ZFPM2: variants seen among roughly 807,000 people sequenced by gnomAD.
ZFPM2 encodes the protein zinc finger protein, FOG family member 2, also known as zinc finger protein ZFPM2.
In ZFPM2, 20 loss-of-function variants were observed where a neutral mutation model predicts 98.6. The observed-to-expected ratio is 0.20, with a 90% CI of 0.14 to 0.29. The LOEUF is 0.29. ZFPM2 is among the 10% of genes least tolerant of loss of function. The pLI is 1.00. For synonymous variants in ZFPM2, 518 were observed against 502.7 expected (o/e 1.03, Z -0.41); for missense variants, 1,310 against 1,388.6 (o/e 0.94, Z 0.90).
At chr8:105,375,492 AAGG>A (rs1810707004) in intron 1 of ZFPM2, among the ~76,000 whole-genome samples, 1 of 152,128 alleles carries the variant, frequency 6.6e-6, no homozygotes, top group Admixed American at 6.6e-5. Flanking sequence ...AGTAGCAAAG[AAGG>A]AAGAGAGAAT....
intron 4 of ZFPM2, among the ~76,000 whole-genome samples, chr8:105,618,024 A>G (rs1816457372): frequency 6.6e-6 from 1 of 152,170 alleles, no homozygotes; most frequent in African/African-American, 2.4e-5. Context: ...TGCAAATGTG[A>G]GAAATAATTC....
chr8:105,391,384 G>T (rs1811105148), intron 1 of ZFPM2, among the ~76,000 whole-genome samples: 1 of 152,166 alleles, frequency 6.6e-6, no homozygotes, highest in Non-Finnish European at 1.5e-5. Flanking sequence ...AGTGATCAGG[G>T]TGGTGGCTGC....
chr8:105,419,530 T>G (rs1011658527), intron 2 of ZFPM2, among the ~76,000 whole-genome samples: 1 of 152,192 alleles, frequency 6.6e-6, no homozygotes, highest in African/African-American at 2.4e-5. Flanking sequence ...GATTGGCCAA[T>G]TAACTATGCA....
At chr8:105,788,277 AAAG>A (rs1275218331) in intron 5 of ZFPM2, among the ~76,000 whole-genome samples, 3 of 152,122 alleles carry the variant, frequency 2.0e-5, no homozygotes, top group African/African-American at 7.2e-5. Context: ...CATGGGGGGA[AAAG>A]AAGGAGAGAG....
intron 5 of ZFPM2, among the ~76,000 whole-genome samples, chr8:105,685,527 T>A (rs1810712399): frequency 6.6e-6 from 1 of 152,096 alleles, no homozygotes; most frequent in Non-Finnish European, 1.5e-5. Context: ...GCTTTTTTTT[T>A]AAACACAAGT....
chr8:105,580,045 A>G (rs922576575), intron 4 of ZFPM2, among the ~76,000 whole-genome samples: 18 of 152,174 alleles, frequency 1.2e-4, no homozygotes, highest in African/African-American at 3.4e-4. Context: ...CTCTAGACCC[A>G]GAAGGGCTTC....
chr8:105,742,446 G>C (rs1812240882), intron 5 of ZFPM2, among the ~76,000 whole-genome samples: 1 of 151,428 alleles, frequency 6.6e-6, no homozygotes, highest in Non-Finnish European at 1.5e-5. Context: ...AACAATAGGA[G>C]GTATAGTTTG....
chr8:105,372,004 A>AATAATT (rs1265645481), intron 1 of ZFPM2, among the ~76,000 whole-genome samples: 6 of 145,728 alleles, frequency 4.1e-5, no homozygotes, highest in Non-Finnish European at 7.5e-5. Flanking sequence ...AAAATAGTGA[A>AATAATT]ATTATTATTA....
chr8:105,662,120 G>A (rs1014318655), intron 5 of ZFPM2, among the ~76,000 whole-genome samples: 1 of 152,076 alleles, frequency 6.6e-6, no homozygotes, highest in African/African-American at 2.4e-5. Flanking sequence ...GAAACAACAC[G>A]CGTGATGGAG....
At chr8:105,565,459 A>C (rs186367370) in intron 4 of ZFPM2, among the ~76,000 whole-genome samples, 1 of 152,256 alleles carries the variant, frequency 6.6e-6, no homozygotes, top group Admixed American at 6.6e-5. Flanking sequence ...GTTTTATATC[A>C]TATTTACTTC....
At chr8:105,756,527 A>C (rs148139302) in intron 5 of ZFPM2, among the ~76,000 whole-genome samples, 51 of 152,280 alleles carry the variant, frequency 3.3e-4, no homozygotes, top group African/African-American at 1.2e-3. Flanking sequence ...AGTAGGAACA[A>C]TGGCTTTCAT....
chr8:105,634,468 C>CT, intron 5 of ZFPM2, 111 bp downstream of exon 5: 2 of 861,276 alleles, frequency 2.3e-6, no homozygotes, highest in Admixed American at 2.2e-5. Flanking sequence ...GATCCTCTTC[C>CT]TTTTTTCCCA....
intron 4 of ZFPM2, among the ~76,000 whole-genome samples, chr8:105,606,564 G>A (rs1816201656): frequency 6.6e-6 from 1 of 152,020 alleles, no homozygotes. Flanking sequence ...TTTTAAAATA[G>A]GTTATGTATG....
chr8:105,448,507 G>C (rs1812422349), intron 3 of ZFPM2, among the ~76,000 whole-genome samples: 1 of 151,952 alleles, frequency 6.6e-6, no homozygotes, highest in South Asian at 2.1e-4. Flanking sequence ...ACATCATGCT[G>C]TCTGTATTCT....
At chr8:105,641,340 G>A (rs183155359) in intron 5 of ZFPM2, among the ~76,000 whole-genome samples, 1 of 152,106 alleles carries the variant, frequency 6.6e-6, no homozygotes, top group African/African-American at 2.4e-5. Context: ...AGGATAACGC[G>A]ATGCCGAAAA....
chr8:105,682,666 G>A (rs1810636291), intron 5 of ZFPM2, among the ~76,000 whole-genome samples: 1 of 152,130 alleles, frequency 6.6e-6, no homozygotes, highest in African/African-American at 2.4e-5. Flanking sequence ...TAACCCTAGA[G>A]AAGAATGGCC....
intron 1 of ZFPM2, among the ~76,000 whole-genome samples, chr8:105,389,108 C>G (rs1447246903): frequency 2.0e-5 from 3 of 150,884 alleles, no homozygotes; most frequent in Non-Finnish European, 4.4e-5. Context: ...CTGGATGGCC[C>G]ACTTAACAGA....
intron 5 of ZFPM2, among the ~76,000 whole-genome samples, chr8:105,780,828 C>T (rs1266508982): frequency 1.3e-5 from 2 of 152,152 alleles, no homozygotes; most frequent in Non-Finnish European, 2.9e-5. Flanking sequence ...TGCAGTAAGC[C>T]GAGATCGTGC....
chr8:105,700,316 T>G (rs561186920), intron 5 of ZFPM2, among the ~76,000 whole-genome samples: 1 of 152,328 alleles, frequency 6.6e-6, no homozygotes, highest in African/African-American at 2.4e-5. Flanking sequence ...TTAATCAGGT[T>G]TTCAAGAATT....
Sources: gnomAD v4.1 joint callset for allele counts (sites outside exome capture counted in the v4.1 genomes callset) on GRCh38, gnomAD v4.1.1 for gene constraint, MANE v1.5 for transcripts, NCBI Gene and HGNC (gene_info 2026-07-23, HGNC 2026-07-21) for gene names.